ZNRF3: variants seen among roughly 807,000 people sequenced by gnomAD.
The protein encoded by ZNRF3 is E3 ubiquitin-protein ligase ZNRF3.
In ZNRF3, 23 loss-of-function variants were observed where a neutral mutation model predicts 72.5. That is an observed-to-expected ratio of 0.32 (90% CI 0.23 to 0.45). The LOEUF is 0.45. ZNRF3 is among the 20% of genes least tolerant of loss of function. The pLI is 1.00. For synonymous variants in ZNRF3, 610 were observed against 545.3 expected, an observed-to-expected ratio of 1.12 and a Z score of -1.65; for missense variants, 1,169 against 1,272.1, an observed-to-expected ratio of 0.92 and a Z score of 1.23.
chr22:29,009,905 C>CT (rs57028204), intron 2 of ZNRF3, among the ~76,000 whole-genome samples: 3,457 of 123,534 alleles, frequency 0.028, 163 homozygotes, highest in African/African-American at 0.066. Context: ...ACTTTTTCCT[C>CT]TTTTTTTTTT....
rs1354195263 is a variant in ZNRF3 at position 29,048,495 on chromosome 22, A to G, written c.1015+4A>G. 6.2e-7 allele frequency: 1 copy of G among 1,613,942 alleles called. No individual in the cohort carries two copies. The highest frequency in any genetic ancestry group is 1.6e-4 in the Middle Eastern group (1 of 6,062). ...CACTGTCGGCACAACATCATAGGTA[A>G]CTGTCACCCGCCTTAGCCATTGCTG... On this transcript the variant is annotated splice_donor_region_variant and intron_variant, in intron 7 of 8. Coordinates refer to ENST00000544604, the MANE Select transcript of ZNRF3 (RefSeq NM_001206998.2). The surrounding 1 kb of genome is among the most constrained non-coding windows in gnomAD (Gnocchi z 4.9).
intron 2 of ZNRF3, among the ~76,000 whole-genome samples, chr22:29,022,218 G>A (rs5997429): frequency 2.3e-3 from 355 of 152,286 alleles, no homozygotes; most frequent in African/African-American, 7.6e-3. Flanking sequence ...AAAAGAGAAC[G>A]CTGCTTTTTT....
intron 2 of ZNRF3, among the ~76,000 whole-genome samples, chr22:29,004,709 C>T (rs1241113253): frequency 6.6e-6 from 1 of 151,474 alleles, no homozygotes. Context: ...TTGGCAGGGC[C>T]TCATCCTGAG....
intron 1 of ZNRF3, among the ~76,000 whole-genome samples, chr22:28,951,742 GGTCTCCC>G (rs2123795378): frequency 6.6e-6 from 1 of 152,278 alleles, no homozygotes; most frequent in East Asian, 1.9e-4. Flanking sequence ...CACCACGGCT[GGTCTCCC>G]AGGGTGACCT....
At chr22:28,907,601 C>A (rs917976377) in intron 1 of ZNRF3, among the ~76,000 whole-genome samples, 2 of 152,132 alleles carry the variant, frequency 1.3e-5, no homozygotes, top group Admixed American at 1.3e-4. Context: ...GTTTTCCAAC[C>A]CAGCAGCATA....
At chr22:29,019,493 G>C (rs16986971) in intron 2 of ZNRF3, among the ~76,000 whole-genome samples, 4,372 of 152,234 alleles carry the variant, frequency 0.029, 108 homozygotes, top group African/African-American at 0.067. Flanking sequence ...GCTGAAGGTA[G>C]TACAGGGAAA....
chr22:28,925,012 C>T (rs903648245), intron 1 of ZNRF3, among the ~76,000 whole-genome samples: 8 of 152,140 alleles, frequency 5.3e-5, no homozygotes, highest in Non-Finnish European at 1.0e-4. Context: ...GGGGTATTCC[C>T]AGTTAAGATG....
In ZNRF3 at chr22:29,020,775, G is replaced by T. The variant is rs1356507860; in HGVS notation, c.427-21720G>T. Among the ~76,000 whole-genome samples the T allele has an allele frequency of 7.8e-4, 46 of 59,156 alleles. 2 individuals carry two copies. The South Asian group carries it at 0.024, about 31-fold the overall frequency. 38.8% of individuals were successfully genotyped at this position (59,156 alleles called of 152,430 possible). On this transcript the variant is annotated intron_variant, in intron 2 of 8. Transcript: ENST00000544604. ...AGGGGCTTTGTTTTTGTGTGTGTGT[G>T]GGTGTGTGTGTGTGTGTGTGTGTGT... is the stretch of plus-strand genomic sequence containing the variant.
chr22:28,896,125 TTTTA>T (rs2033990834), intron 1 of ZNRF3, among the ~76,000 whole-genome samples: 1 of 147,468 alleles, frequency 6.8e-6, no homozygotes, highest in African/African-American at 2.5e-5. Flanking sequence ...TAATTTTTAT[TTTTA>T]TTTATTTTTA....
intron 2 of ZNRF3, among the ~76,000 whole-genome samples, chr22:29,016,339 A>T (rs73882427): frequency 0.058 from 8,823 of 152,286 alleles, 553 homozygotes; most frequent in African/African-American, 0.16. Flanking sequence ...TCTCTTTAGA[A>T]AATAGTGAAT....
chr22:29,052,809 T>TA (rs751787888), intron 8 of ZNRF3, among the ~76,000 whole-genome samples: 9 of 149,414 alleles, frequency 6.0e-5, no homozygotes, highest in African/African-American at 1.3e-4. Context: ...CCCTATCTCT[T>TA]AAAAAAAAAT....
chr22:29,021,564 T>C (rs2036540202), intron 2 of ZNRF3, among the ~76,000 whole-genome samples: 1 of 151,232 alleles, frequency 6.6e-6, no homozygotes, highest in South Asian at 2.1e-4. Context: ...CTCGGCTCAC[T>C]GCAACCTCCG....
At chr22:28,930,263 C>G (rs972419421) in intron 1 of ZNRF3, among the ~76,000 whole-genome samples, 8 of 151,998 alleles carry the variant, frequency 5.3e-5, no homozygotes, top group African/African-American at 1.9e-4. Flanking sequence ...ATATTAAAAT[C>G]AGTTACATAA....
chr22:29,050,505 A>G lies in ZNRF3; in HGVS notation c.2324A>G (p.Glu775Gly), dbSNP rs2037181052. Residue 775 changes from glutamate (E) to glycine (G), a missense_variant, in exon 8 of 9, where the codon GAG (glutamate) becomes GGG (glycine). This residue lies in a region of ZNRF3 where 783 missense variants were observed against 731.4 expected (regional missense o/e 1.07). Transcript: ENST00000544604. ...HLPRTDGVKY[E>G]GLPCCFYEEK... ...CCCAGGACAGATGGGGTGAAATACG[A>G]GGGTCTGCCCTGCTGCTTCTATGAA... 6.2e-7 allele frequency: 1 copy of G among 1,612,518 alleles called. No homozygotes were observed. The highest frequency in any genetic ancestry group is 8.5e-7 in the Non-Finnish European group (1 of 1,179,846).
At chr22:28,962,122 T>G (rs909838343) in intron 1 of ZNRF3, among the ~76,000 whole-genome samples, 1 of 152,234 alleles carries the variant, frequency 6.6e-6, no homozygotes, top group Non-Finnish European at 1.5e-5. Context: ...TTTGAGTTAA[T>G]TAAGTAAAAC....
At chr22:28,976,356 T>C (rs2035674583) in intron 1 of ZNRF3, among the ~76,000 whole-genome samples, 1 of 152,076 alleles carries the variant, frequency 6.6e-6, no homozygotes, top group Non-Finnish European at 1.5e-5. Context: ...ACCCTGTCTC[T>C]ACTAAAAATA....
intron 1 of ZNRF3, among the ~76,000 whole-genome samples, chr22:28,983,420 C>T (rs976442315): frequency 6.6e-6 from 1 of 152,194 alleles, no homozygotes; most frequent in South Asian, 2.1e-4. Context: ...GTGTTCTGCT[C>T]CTCCAAGAGA....
intron 1 of ZNRF3, among the ~76,000 whole-genome samples, chr22:28,906,280 T>C (rs2034206296): frequency 6.6e-6 from 1 of 152,236 alleles, no homozygotes; most frequent in Admixed American, 6.5e-5. Context: ...TGAGCTGAGA[T>C]GGCACCATTG....
At chr22:29,018,887 C>T (rs991449088) in intron 2 of ZNRF3, among the ~76,000 whole-genome samples, 46 of 151,626 alleles carry the variant, frequency 3.0e-4, no homozygotes, top group African/African-American at 1.1e-3. Context: ...CAGTCATTTT[C>T]ATTGCTCATG....
Sources: allele counts gnomAD v4.1 joint callset (sites outside exome capture counted in the v4.1 genomes callset), GRCh38; gene constraint gnomAD v4.1.1; regional missense constraint gnomAD v4.1.1; non-coding constraint Gnocchi (gnomAD v3.1); transcripts MANE v1.5; gene names NCBI Gene and HGNC (gene_info 2026-07-23, HGNC 2026-07-21).